SLC25A12: variants seen among roughly 807,000 people sequenced by gnomAD.
SLC25A12 encodes solute carrier family 25 member 12.
Under a neutral mutation model 83.3 loss-of-function variants are expected in SLC25A12, and 32 were observed. The observed-to-expected ratio is 0.38, with a 90% CI of 0.29 to 0.52. SLC25A12 has a LOEUF of 0.52. SLC25A12 is among the 20% of genes least tolerant of loss of function. The pLI, the probability that SLC25A12 is intolerant of heterozygous loss-of-function variation, is 0.84. For synonymous variants in SLC25A12, 267 were observed against 291.1 expected (o/e 0.92, Z 0.84); for missense variants, 611 against 835.6 (o/e 0.73, Z 3.31).
At chr2:171,882,514 A>G (rs965986414) in intron 2 of SLC25A12, among the ~76,000 whole-genome samples, 1 of 152,264 alleles carries the variant, frequency 6.6e-6, no homozygotes, top group Non-Finnish European at 1.5e-5. Flanking sequence ...TGAAGCTAGC[A>G]CAACAGAAAC....
At chr2:171,851,698 CT>C in intron 4 of SLC25A12, among the ~76,000 whole-genome samples, 2 of 152,040 alleles carry the variant, frequency 1.3e-5, no homozygotes, top group Non-Finnish European at 2.9e-5. Context: ...CCACACCCGG[CT>C]AATTTTTGTG....
In SLC25A12 at chr2:171,826,854, T is replaced by C; in HGVS notation, c.874A>G (p.Ile292Val). 6.2e-7 allele frequency: 1 copy of C among 1,611,286 alleles called. No homozygotes were observed. The highest frequency in any genetic ancestry group is 8.5e-7 in the Non-Finnish European group (1 of 1,177,548). ...AAGGCCCCCTCAGCCAATGGGGCTA[T>C]TCTCTCAATATCTGCCAAAGTCAAG... Reference protein sequence around the residue: ...GRLTLADIERIAPLAEGALPY... With the variant: ...GRLTLADIERVAPLAEGALPY... The change falls in exon 9 of 18, where the codon ATA becomes GTA. Residue 292 changes from isoleucine to valine, a missense_variant. Physicochemically the swap from Ile to Val is conservative, Grantham distance 29 (BLOSUM62 3). Coordinates refer to ENST00000422440, the MANE Select transcript of SLC25A12 (RefSeq NM_003705.5).
chr2:171,823,067 G>T (rs1684225875), intron 9 of SLC25A12, among the ~76,000 whole-genome samples: 1 of 152,184 alleles, frequency 6.6e-6, no homozygotes, highest in South Asian at 2.1e-4. Context: ...TAAAAACTGA[G>T]TCACTAGGAT....
intron 3 of SLC25A12, among the ~76,000 whole-genome samples, chr2:171,857,223 T>C (rs1439087974): frequency 6.6e-6 from 1 of 151,436 alleles, no homozygotes; most frequent in Admixed American, 6.6e-5. Context: ...AATAAAAAAT[T>C]AGCTGGGCAT....
At chr2:171,838,512 ATC>A (rs1029141440) in intron 5 of SLC25A12, among the ~76,000 whole-genome samples, 1 of 152,070 alleles carries the variant, frequency 6.6e-6, no homozygotes, top group Non-Finnish European at 1.5e-5. Context: ...CCTCTTTTCT[ATC>A]TCTTTCTTAT....
intron 15 of SLC25A12, 39 bp downstream of exon 15, chr2:171,791,412 T>C: frequency 1.3e-6 from 2 of 1,552,440 alleles, no homozygotes; most frequent in East Asian, 2.2e-5. Context: ...TTTTAAATAA[T>C]GGGAGAATTC....
chr2:171,866,329 T>C (rs1419240875), intron 3 of SLC25A12, among the ~76,000 whole-genome samples: 5 of 138,072 alleles, frequency 3.6e-5, no homozygotes, highest in Admixed American at 7.2e-5. Context: ...TCATGGCCCG[T>C]TCTCAATGAG....
At chr2:171,890,226 T>C (rs1685902560) in intron 2 of SLC25A12, among the ~76,000 whole-genome samples, 1 of 152,262 alleles carries the variant, frequency 6.6e-6, no homozygotes, top group South Asian at 2.1e-4. Flanking sequence ...AATAATCCTT[T>C]GTAAATATTT....
intron 2 of SLC25A12, among the ~76,000 whole-genome samples, chr2:171,881,912 A>C (rs1386803987): frequency 6.6e-6 from 1 of 152,184 alleles, no homozygotes; most frequent in African/African-American, 2.4e-5. Flanking sequence ...AAGAAGACTG[A>C]GAGAAAAAAT....
intron 15 of SLC25A12, among the ~76,000 whole-genome samples, chr2:171,789,970 A>T (rs966818130): frequency 2.0e-5 from 3 of 152,190 alleles, no homozygotes; most frequent in Admixed American, 2.0e-4. Context: ...AAGACTGAGC[A>T]GGTAACTTTA....
chr2:171,819,882 T>C (rs149845058), intron 9 of SLC25A12, among the ~76,000 whole-genome samples: 2 of 152,256 alleles, frequency 1.3e-5, no homozygotes, highest in African/African-American at 4.8e-5. Flanking sequence ...AATTCTAATA[T>C]GCAGCCATAA....
intron 14 of SLC25A12, 117 bp downstream of exon 14, chr2:171,793,510 T>C: frequency 9.5e-7 from 1 of 1,056,534 alleles, no homozygotes; most frequent in South Asian, 1.3e-5. Context: ...TTTGTTTGAT[T>C]TTCTGCTCCA....
chr2:171,864,566 A>C (rs1685242876), intron 3 of SLC25A12, among the ~76,000 whole-genome samples: 1 of 152,128 alleles, frequency 6.6e-6, no homozygotes, highest in Non-Finnish European at 1.5e-5. Context: ...CTTGCAACAC[A>C]ACCCTCCTCC....
intron 4 of SLC25A12, among the ~76,000 whole-genome samples, chr2:171,845,163 T>C (rs1289497133): frequency 6.6e-6 from 1 of 152,172 alleles, no homozygotes; most frequent in Non-Finnish European, 1.5e-5. Flanking sequence ...AATTAGTGTT[T>C]CACTTTTAAA....
intron 13 of SLC25A12, among the ~76,000 whole-genome samples, chr2:171,802,448 C>T (rs1353161732): frequency 6.6e-6 from 1 of 152,142 alleles, no homozygotes; most frequent in Non-Finnish European, 1.5e-5. Flanking sequence ...AGATACAAAA[C>T]ACAAGTTTGG....
rs556754593 is a variant in SLC25A12, at chr2:171,875,927, A to G, written c.67-7104T>C. On this transcript the variant is annotated intron_variant, in intron 2 of 17. Transcript: ENST00000422440. ...CTCTGTCTCAAAAAAAAAAAAAAAA[A>G]AAAGAAACCTGCACATGGGCCTTTT... Among the ~76,000 whole-genome samples, 1,004 of 150,022 alleles carry G rather than the reference A, an allele frequency of 6.7e-3. 51 individuals are homozygous for G. The highest frequency in any genetic ancestry group is 0.06 in the Admixed American group (899 of 14,960).
chr2:171,867,811 G>A (rs530544923), intron 3 of SLC25A12, among the ~76,000 whole-genome samples: 1 of 152,290 alleles, frequency 6.6e-6, no homozygotes, highest in South Asian at 2.1e-4. Flanking sequence ...TGATGCAGCA[G>A]TGCTACACCT....
intron 3 of SLC25A12, among the ~76,000 whole-genome samples, chr2:171,861,850 A>C (rs1422241791): frequency 3.3e-5 from 5 of 152,196 alleles, no homozygotes; most frequent in African/African-American, 7.2e-5. Context: ...ATTAGTTCAC[A>C]CTCTATTAGT....
chr2:171,791,615 A>G, intron 14 of SLC25A12, 26 bp from the exon 15 acceptor site: 1 of 1,611,886 alleles, frequency 6.2e-7, no homozygotes. Flanking sequence ...GAAATAGTGC[A>G]AAACAGTGTG....
Sources: allele counts gnomAD v4.1 joint callset (sites outside exome capture counted in the v4.1 genomes callset), GRCh38; gene constraint gnomAD v4.1.1; transcripts MANE v1.5; gene names NCBI Gene and HGNC (gene_info 2026-07-23, HGNC 2026-07-21).